ZNF704: variants seen among roughly 807,000 people sequenced by gnomAD.
ZNF704 encodes glucocorticoid induced gene 1.
A neutral mutation model predicts 44.7 loss-of-function variants in ZNF704; 10 were observed. The observed-to-expected ratio is 0.22, with a 90% CI of 0.14 to 0.38. ZNF704 has a LOEUF of 0.38. Among genes scored for constraint, ZNF704 ranks in the 10% least tolerant of loss-of-function variants. The pLI is 1.00. For missense variants in ZNF704, 390 were observed against 545.5 expected, an observed-to-expected ratio of 0.71 and a Z score of 2.84; for synonymous variants, 211 against 207.6, an observed-to-expected ratio of 1.02 and a Z score of -0.14.
intron 6 of ZNF704, among the ~76,000 whole-genome samples, chr8:80,660,993 A>T (rs761140548): frequency 6.6e-5 from 10 of 152,222 alleles, no homozygotes; most frequent in Non-Finnish European, 1.3e-4. Flanking sequence ...GAAACAATCA[A>T]CAGCGTGAAG....
At chr8:80,876,757 G>A (rs145116108), upstream of ZNF704, among the ~76,000 whole-genome samples, 242 of 152,212 alleles carry the variant, frequency 1.6e-3, no homozygotes, top group African/African-American at 5.1e-3. Flanking sequence ...GTTTATATGC[G>A]GGCTTATCAT....
In ZNF704 at chr8:80,630,470, T is replaced by G. The variant is rs1347446864; in HGVS notation, c.*10896A>C. On this transcript the variant is annotated 3_prime_UTR_variant, in exon 9 of 9. Coordinates refer to ENST00000327835, the MANE Select transcript of ZNF704 (RefSeq NM_001033723.3). ...TTGCATTTCCACTAAATACCCCATT[T>G]TAAATATTTAATAATTTCATTTTAA... 1 of 152,256 alleles carries G rather than the reference T, an allele frequency of 6.6e-6. No individual in the cohort carries two copies. The highest frequency in any genetic ancestry group is 1.5e-5 in the Non-Finnish European group (1 of 68,044). The allele number at this position is 152,256 out of a possible 1,614,324, so 9.4% of individuals were successfully genotyped here. A position where few individuals can be genotyped will look rare whatever the true frequency, so the allele number is the denominator to read the frequency against.
At chr8:80,716,536 A>G (rs1819074601) in intron 2 of ZNF704, among the ~76,000 whole-genome samples, 1 of 152,220 alleles carries the variant, frequency 6.6e-6, no homozygotes, top group African/African-American at 2.4e-5. Flanking sequence ...TACCATTCCT[A>G]AACATTATAA....
chr8:80,792,007 T>C (rs1265097685), intron 2 of ZNF704, among the ~76,000 whole-genome samples: 1 of 152,036 alleles, frequency 6.6e-6, no homozygotes, highest in African/African-American at 2.4e-5. Context: ...GCTGAATGAC[T>C]GGAGAAAGAA....
At chr8:80,875,146 A>T (rs1245574285), upstream of ZNF704, among the ~76,000 whole-genome samples, 12 of 152,158 alleles carry the variant, frequency 7.9e-5, no homozygotes, top group Non-Finnish European at 1.5e-5. Flanking sequence ...ATTAATATGA[A>T]GTAAGACCAA....
At chr8:80,879,560 T>C (rs140834594), upstream of ZNF704, among the ~76,000 whole-genome samples, 262 of 152,336 alleles carry the variant, frequency 1.7e-3, 1 homozygote, top group African/African-American at 5.9e-3. Context: ...GTGCTGTCTG[T>C]ATCTTAGGAC....
At chr8:80,868,967 G>A (rs1285598558) in intron 1 of ZNF704, among the ~76,000 whole-genome samples, 1 of 152,154 alleles carries the variant, frequency 6.6e-6, no homozygotes, top group Non-Finnish European at 1.5e-5. Context: ...TCTACAAGAG[G>A]CAACGTAGTG....
intron 2 of ZNF704, among the ~76,000 whole-genome samples, chr8:80,708,163 T>C (rs1818925925): frequency 6.6e-6 from 1 of 152,254 alleles, no homozygotes; most frequent in African/African-American, 2.4e-5. Flanking sequence ...ATTTAAAAAT[T>C]TGTTCGTAAT....
chr8:80,728,431 T>TAGAATATCTTCCACGCCTGGC (rs1166102749), intron 2 of ZNF704, among the ~76,000 whole-genome samples: 1 of 152,206 alleles, frequency 6.6e-6, no homozygotes, highest in Non-Finnish European at 1.5e-5. Context: ...TGATCAAACC[T>TAGAATATCTTCCACGCCTGGC]AGAATATCTT....
the ZNF704 span, among the ~76,000 whole-genome samples, chr8:80,882,883 C>A: frequency 7.2e-5 from 11 of 151,850 alleles, no homozygotes; most frequent in Non-Finnish European, 1.5e-4. Flanking sequence ...TGCTTACATG[C>A]CTTTCTTTCT....
At chr8:80,672,308 C>T (rs1361095994) in intron 4 of ZNF704, among the ~76,000 whole-genome samples, 1 of 152,164 alleles carries the variant, frequency 6.6e-6, no homozygotes, top group African/African-American at 2.4e-5. Context: ...GATGCATATA[C>T]ACTGGTGACG....
chr8:80,781,725 C>T (rs1807526583), intron 2 of ZNF704, among the ~76,000 whole-genome samples: 1 of 152,208 alleles, frequency 6.6e-6, no homozygotes, highest in African/African-American at 2.4e-5. Context: ...ACCACATTTA[C>T]AGAAGGGTGT....
chr8:80,815,605 A>T (rs1021383546), intron 2 of ZNF704, among the ~76,000 whole-genome samples: 1 of 152,212 alleles, frequency 6.6e-6, no homozygotes, highest in South Asian at 2.1e-4. Flanking sequence ...ACAATAAGTT[A>T]ATGGTCTCCA....
At chr8:80,743,191 CAAAAAAAAA>C (rs59886049) in intron 2 of ZNF704, among the ~76,000 whole-genome samples, 2 of 35,824 alleles carry the variant, frequency 5.6e-5, no homozygotes, top group African/African-American at 2.0e-4. Context: ...CTTGCAACTG[CAAAAAAAAA>C]AAAAAAAAAA....
chr8:80,862,025 T>TA (rs1809071389), intron 1 of ZNF704, among the ~76,000 whole-genome samples: 3 of 116,950 alleles, frequency 2.6e-5, no homozygotes, highest in East Asian at 2.3e-4. Flanking sequence ...TTTTTTGAGA[T>TA]AGAGTTTTAC....
the ZNF704 span, among the ~76,000 whole-genome samples, chr8:80,883,404 A>G: frequency 1.3e-5 from 2 of 152,216 alleles, no homozygotes; most frequent in South Asian, 4.1e-4. Context: ...CACCTGCTAG[A>G]ACATTCTGCA....
At position 80,863,777 on chromosome 8, in the gene ZNF704, G is replaced by A. The variant is rs1036632990; in HGVS notation, c.-22+10794C>T. 9.2e-5 allele frequency among the ~76,000 whole-genome samples: 14 copies of A among 152,256 alleles called. No individual in the cohort carries two copies. The South Asian group carries it at 1.4e-3, about 16-fold the overall frequency. The stretch of plus-strand genomic sequence containing the variant: ...TCCCTTTACTTGTAATAGCAATAGC[G>A]TTGACAGAAAATGTATCAGTCCTAG... On this transcript the variant is annotated intron_variant, in intron 1 of 8. Coordinates refer to ENST00000327835, the MANE Select transcript of ZNF704 (RefSeq NM_001033723.3).
chr8:80,719,693 G>A (rs1819132214), intron 2 of ZNF704, among the ~76,000 whole-genome samples: 1 of 152,206 alleles, frequency 6.6e-6, no homozygotes, highest in Non-Finnish European at 1.5e-5. Flanking sequence ...ATTCATGGAT[G>A]TTTCACACAG....
intron 6 of ZNF704, among the ~76,000 whole-genome samples, chr8:80,661,673 T>A (rs915307138): frequency 2.0e-5 from 3 of 152,130 alleles, no homozygotes; most frequent in Non-Finnish European, 2.9e-5. Flanking sequence ...ACTATGTAAG[T>A]GAAATAAGCT....
Sources: allele counts gnomAD v4.1 joint callset (sites outside exome capture counted in the v4.1 genomes callset), GRCh38; gene constraint gnomAD v4.1.1; transcripts MANE v1.5; gene names NCBI Gene and HGNC (gene_info 2026-07-23, HGNC 2026-07-21).